AQR: variants seen among roughly 807,000 people sequenced by gnomAD.
AQR encodes the protein RNA helicase aquarius.
In AQR, 61 loss-of-function variants were observed where a neutral mutation model predicts 180.5. The observed-to-expected ratio is 0.34, with a 90% CI of 0.28 to 0.42. AQR has a LOEUF of 0.42. AQR is among the 10% of genes least tolerant of loss of function. The pLI is 1.00. For missense variants in AQR, 1,281 were observed against 1,798.3 expected, an observed-to-expected ratio of 0.71 and a Z score of 5.20; for synonymous variants, 551 against 588.8, an observed-to-expected ratio of 0.94 and a Z score of 0.93.
intron 13 of AQR, among the ~76,000 whole-genome samples, chr15:34,921,837 G>A (rs571605894): frequency 1.1e-4 from 17 of 152,176 alleles, no homozygotes; most frequent in African/African-American, 3.6e-4. Flanking sequence ...TTTGAGACGA[G>A]TCTCACTCTG....
intron 13 of AQR, among the ~76,000 whole-genome samples, chr15:34,923,070 T>C (rs1187678296): frequency 6.6e-6 from 1 of 152,194 alleles, no homozygotes; most frequent in Non-Finnish European, 1.5e-5. Context: ...AATAGTTAAG[T>C]ATAGTAGAAT....
intron 25 of AQR, 122 bp downstream of exon 25, chr15:34,886,404 A>G: frequency 1.1e-6 from 1 of 938,532 alleles, no homozygotes; most frequent in South Asian, 2.2e-5. Context: ...CACTTGCAAT[A>G]CCATACATTC....
chr15:34,905,657 C>G (rs915807437), intron 18 of AQR, among the ~76,000 whole-genome samples: 9 of 150,196 alleles, frequency 6.0e-5, no homozygotes, highest in Admixed American at 1.3e-4. Flanking sequence ...TAAGAACCAC[C>G]ACTACAATGA....
chr15:34,884,264 G>A (rs1473306591), intron 26 of AQR, among the ~76,000 whole-genome samples: 1 of 151,886 alleles, frequency 6.6e-6, no homozygotes, highest in Non-Finnish European at 1.5e-5. Context: ...AAAATTAGCT[G>A]GGCATGGTGG....
chr15:34,934,814 C>A (rs1464796815), intron 9 of AQR, among the ~76,000 whole-genome samples, 179 bp from the exon 10 acceptor site: 1 of 151,874 alleles, frequency 6.6e-6, no homozygotes, highest in Non-Finnish European at 1.5e-5. Context: ...AAGGCCTTAC[C>A]CTGATACTTA....
intron 10 of AQR, 75 bp from the exon 11 acceptor site, chr15:34,932,509 A>G: frequency 9.3e-7 from 1 of 1,076,746 alleles, no homozygotes; most frequent in Non-Finnish European, 1.4e-6. Context: ...AGTGATATTT[A>G]ACTCTCAAGT....
rs1555375571 is a variant in AQR at position 34,956,696 on chromosome 15, G to GAAAAAACAA, written c.174-3777_174-3776insTTGTTTTTT. On this transcript the variant is annotated intron_variant, in intron 3 of 34. Transcript: ENST00000156471. ...GAACAGAATATTCAGTAAGAAGTCA[G>GAAAAAACAA]AAAAAAAAAAAAAAAAAAAAGAACC... Among the ~76,000 whole-genome samples the GAAAAAACAA allele has an allele frequency of 3.6e-5, 3 of 83,370 alleles. No homozygotes were observed. In the Admixed American group the frequency reaches 4.4e-4, roughly 12 times the overall value. The allele number at this position is 83,370 out of a possible 152,430, so 54.7% of individuals were successfully genotyped here.
At chr15:34,951,585 C>A (rs1292120121) in intron 4 of AQR, among the ~76,000 whole-genome samples, 1 of 151,388 alleles carries the variant, frequency 6.6e-6, no homozygotes, top group Non-Finnish European at 1.5e-5. Flanking sequence ...GCAGGAGAAT[C>A]GCTTCTACCC....
At chr15:34,944,822 G>A (rs780084301) in intron 5 of AQR, among the ~76,000 whole-genome samples, 6 of 152,138 alleles carry the variant, frequency 3.9e-5, no homozygotes, top group Non-Finnish European at 8.8e-5. Context: ...TTAATCTCAA[G>A]AACAGCCCCT....
chr15:34,882,837 A>C (rs1353014234), intron 26 of AQR, among the ~76,000 whole-genome samples, 198 bp from the exon 27 acceptor site: 1 of 152,216 alleles, frequency 6.6e-6, no homozygotes, highest in Admixed American at 6.5e-5. Context: ...GTTATAATTC[A>C]AACTTTTTTG....
At chr15:34,926,650 G>A (rs1470576393) in intron 13 of AQR, among the ~76,000 whole-genome samples, 1 of 152,118 alleles carries the variant, frequency 6.6e-6, no homozygotes, top group East Asian at 1.9e-4. Context: ...AACTGCCAGA[G>A]GATATTACTA....
At chr15:34,861,405 G>A (rs1892669875) in intron 33 of AQR, among the ~76,000 whole-genome samples, 3 of 152,134 alleles carry the variant, frequency 2.0e-5, no homozygotes, top group African/African-American at 4.8e-5. Flanking sequence ...AGCACTCTCC[G>A]CCCCTCACTA....
intron 9 of AQR, among the ~76,000 whole-genome samples, chr15:34,934,999 C>T (rs562629818): frequency 2.0e-5 from 3 of 152,256 alleles, no homozygotes; most frequent in African/African-American, 7.2e-5. Context: ...GGTTTTGCTT[C>T]ACTTTCCTTA....
chr15:34,893,402 A>G (rs4924339), intron 23 of AQR, among the ~76,000 whole-genome samples: 93,616 of 151,976 alleles, frequency 0.62, 31,144 homozygotes, highest in South Asian at 0.77. Flanking sequence ...GAGCTAATGC[A>G]TTCCCAAATA....
intron 11 of AQR, among the ~76,000 whole-genome samples, chr15:34,930,796 G>A (rs1222911965): frequency 1.4e-5 from 2 of 146,228 alleles, no homozygotes; most frequent in Non-Finnish European, 3.0e-5. Flanking sequence ...CATAATTGGA[G>A]ATACTTTTTT....
At chr15:34,934,793 T>TA (rs1251876562) in intron 9 of AQR, among the ~76,000 whole-genome samples, 158 bp from the exon 10 acceptor site, 1 of 152,072 alleles carries the variant, frequency 6.6e-6, no homozygotes, top group Non-Finnish European at 1.5e-5. Flanking sequence ...CACATATATA[T>TA]TTTTTTAAGG....
Position 34,851,805 on chromosome 15 carries a change from A to C in AQR, c.*4987T>G. ...CATTGGAAATACAAACTCTTCTTTT[A>C]CTGCATAAGAAATGAGAAGAAAAAC... On this transcript the variant is annotated 3_prime_UTR_variant, in exon 35 of 35. Coordinates refer to ENST00000156471, the MANE Select transcript of AQR (RefSeq NM_014691.3). 1 of 152,206 alleles carries C rather than the reference A, an allele frequency of 6.6e-6. No homozygotes were observed. Among genetic ancestry groups the C allele is most frequent in the East Asian group, 1.9e-4 (1 of 5,200 alleles). The allele number at this position is 152,206 out of a possible 1,614,324, so 9.4% of individuals were successfully genotyped here.
At chr15:34,857,317 A>C (rs1311710385) in intron 34 of AQR, among the ~76,000 whole-genome samples, 1 of 152,240 alleles carries the variant, frequency 6.6e-6, no homozygotes, top group Admixed American at 6.5e-5. Flanking sequence ...AATACATATA[A>C]AATCTTCAGA....
intron 30 of AQR, among the ~76,000 whole-genome samples, chr15:34,872,438 A>G (rs1191352151): frequency 6.6e-6 from 1 of 152,180 alleles, no homozygotes; most frequent in Non-Finnish European, 1.5e-5. Flanking sequence ...TAAGAAAAAC[A>G]GGTAACCAAT....
Sources: gnomAD v4.1 joint callset for allele counts (sites outside exome capture counted in the v4.1 genomes callset) on GRCh38, gnomAD v4.1.1 for gene constraint, MANE v1.5 for transcripts, NCBI Gene and HGNC (gene_info 2026-07-23, HGNC 2026-07-21) for gene names.